The following ADAM23 variants were observed in gnomAD, a reference collection of about 807,000 sequenced individuals.
ADAM23 encodes disintegrin and metalloproteinase domain-containing protein 23.
A neutral mutation model predicts 120.1 loss-of-function variants in ADAM23; 33 were observed. The observed-to-expected ratio is 0.27, with a 90% CI of 0.21 to 0.37. ADAM23 has a LOEUF of 0.37. Ranked by LOEUF, ADAM23 falls within the 10% of genes least tolerant of loss-of-function variation. The probability of loss-of-function intolerance (pLI) is 1.00; values close to 1 mark genes in which losing one functional copy is unlikely to be tolerated. For missense variants in ADAM23, 862 were observed against 1,058.2 expected (o/e 0.81, Z 2.57); for synonymous variants, 367 against 375.2 (o/e 0.98, Z 0.25).
chr2:206,567,346 A>G (rs1338811489), intron 15 of ADAM23, 24 bp downstream of exon 15: 5 of 1,570,248 alleles, frequency 3.2e-6, no homozygotes, highest in Non-Finnish European at 3.5e-6. Context: ...AAAGCATACT[A>G]AGAAAGTATA....
intron 7 of ADAM23, 78 bp downstream of exon 7, chr2:206,547,579 GC>G: frequency 7.9e-7 from 1 of 1,266,702 alleles, no homozygotes; most frequent in South Asian, 1.4e-5. Context: ...AGATATGCAG[GC>G]TTGTTGGAAG....
At chr2:206,500,799 T>G (rs1696372369) in intron 3 of ADAM23, among the ~76,000 whole-genome samples, 3 of 152,162 alleles carry the variant, frequency 2.0e-5, no homozygotes, top group Non-Finnish European at 2.9e-5. Flanking sequence ...TGAATCACCC[T>G]CTCTCATCTG....
chr2:206,566,630 C>T (rs1697888366), intron 14 of ADAM23, among the ~76,000 whole-genome samples: 1 of 152,154 alleles, frequency 6.6e-6, no homozygotes, highest in Admixed American at 6.5e-5. Flanking sequence ...AGCCATTATT[C>T]ATGGAAGCGT....
At chr2:206,486,805 T>G (rs1696022389) in intron 3 of ADAM23, among the ~76,000 whole-genome samples, 2 of 152,166 alleles carry the variant, frequency 1.3e-5, no homozygotes, top group African/African-American at 4.8e-5. Flanking sequence ...ATTCACAAAA[T>G]TTTGCAGTTA....
intron 4 of ADAM23, among the ~76,000 whole-genome samples, chr2:206,536,377 A>G (rs1454075622): frequency 6.6e-6 from 1 of 151,500 alleles, no homozygotes; most frequent in Non-Finnish European, 1.5e-5. Flanking sequence ...GTCAAAAACC[A>G]CAAATACTTT....
At chr2:206,487,972 T>C (rs1382739105) in intron 3 of ADAM23, among the ~76,000 whole-genome samples, 2 of 152,228 alleles carry the variant, frequency 1.3e-5, no homozygotes, top group Admixed American at 1.3e-4. Context: ...GAAAACAATC[T>C]TTATTCTGAT....
At chr2:206,566,591 C>G (rs1191056270) in intron 14 of ADAM23, among the ~76,000 whole-genome samples, 1 of 152,106 alleles carries the variant, frequency 6.6e-6, no homozygotes, top group Non-Finnish European at 1.5e-5. Context: ...ATGAATATCA[C>G]CAAATAGTAT....
At chr2:206,520,365 A>C (rs916188365) in intron 3 of ADAM23, among the ~76,000 whole-genome samples, 30 of 152,090 alleles carry the variant, frequency 2.0e-4, no homozygotes, top group African/African-American at 6.3e-4. Context: ...CAAAAATCTT[A>C]CTCTTCCTTT....
At chr2:206,510,576 C>T (rs1456739735) in intron 3 of ADAM23, among the ~76,000 whole-genome samples, 2 of 152,134 alleles carry the variant, frequency 1.3e-5, no homozygotes, top group Non-Finnish European at 2.9e-5. Flanking sequence ...CTCCATACTT[C>T]CTGGATTATT....
intron 4 of ADAM23, among the ~76,000 whole-genome samples, chr2:206,538,932 A>G (rs1241003195): frequency 6.6e-6 from 1 of 152,202 alleles, no homozygotes; most frequent in East Asian, 1.9e-4. Context: ...TTATTAGATT[A>G]GTAATACCAG....
rs1008777800 is a variant in ADAM23 at position 206,617,970 on chromosome 2, GA to G, written c.*344del. On this transcript the variant is annotated 3_prime_UTR_variant, in exon 26 of 26. Transcript: ENST00000264377. ...GGAATCATTAAAAAAAATAGTAAAT[GA>G]TTTTTTTTCCCTCAGCCTGCTGGCA... is the stretch of plus-strand genomic sequence containing the variant. 2.9e-5 allele frequency: 6 copies of G among 210,214 alleles called. No homozygotes were observed. Among genetic ancestry groups the G allele is most frequent in the Admixed American group, 6.0e-5 (1 of 16,758 alleles). 13.0% of individuals were successfully genotyped at this position (210,214 alleles called of 1,614,324 possible).
chr2:206,552,389 G>T (rs1233989241), intron 9 of ADAM23, among the ~76,000 whole-genome samples: 1 of 152,056 alleles, frequency 6.6e-6, no homozygotes, highest in African/African-American at 2.4e-5. Context: ...ACTACTAAGT[G>T]TTAATTACAA....
chr2:206,608,076 A>C lies in ADAM23; in HGVS notation c.2360-1834A>C, dbSNP rs1698762697. On this transcript the variant is annotated intron_variant, in intron 24 of 25. Transcript: ENST00000264377. Reference sequence around the variant, plus strand: ...ATTCTCTGTTGAATTGTGGGGAGGAAATACATGTAAGTAGAATAAAGTTTC... The same window carrying C: ...ATTCTCTGTTGAATTGTGGGGAGGACATACATGTAAGTAGAATAAAGTTTC... The C allele has an allele frequency of 4.8e-5, 19 of 391,954 alleles. 1 individual carries two copies. The highest frequency in any genetic ancestry group is 3.5e-4 in the South Asian group (18 of 51,276). 24.3% of individuals were successfully genotyped at this position (391,954 alleles called of 1,614,324 possible).
rs541991967 is a variant in ADAM23 at position 206,548,264 on chromosome 2, A to C, written c.794-17A>C. 7 of 1,609,974 alleles carry C rather than the reference A, an allele frequency of 4.3e-6. No homozygotes were observed. In the East Asian group the frequency reaches 1.6e-4, roughly 36 times the overall value. ...AAATAAGCATAAAATTTTGATACTA[A>C]TTTTTCCTTTCTGCAGCTATGGAAA... On this transcript the variant is annotated splice_polypyrimidine_tract_variant and intron_variant, in intron 7 of 25. Transcript: ENST00000264377.
chr2:206,471,291 C>G (rs1043654752), intron 2 of ADAM23, among the ~76,000 whole-genome samples: 1 of 152,166 alleles, frequency 6.6e-6, no homozygotes, highest in Non-Finnish European at 1.5e-5. Flanking sequence ...TTTTGTATTT[C>G]AGAATTTCTC....
In ADAM23 at chr2:206,607,876, T is replaced by C. The variant is rs1265137503; in HGVS notation, c.2360-2034T>C. ...GTTCATTCAGTCACTAAGAATTCCA[T>C]GGACAGTTTTTTTTTTAATTTCTCC... is the stretch of plus-strand genomic sequence containing the variant. On this transcript the variant is annotated intron_variant, in intron 24 of 25. Transcript: ENST00000264377. The C allele has an allele frequency of 1.5e-5, 5 of 344,334 alleles. 1 individual carries two copies. The highest frequency in any genetic ancestry group is 8.7e-5 in the Admixed American group (2 of 23,058). 21.3% of individuals were successfully genotyped at this position (344,334 alleles called of 1,614,324 possible).
Position 206,571,392 on chromosome 2 carries a change from A to G in ADAM23, c.1567-335A>G, listed in dbSNP as rs1349065423. On this transcript the variant is annotated intron_variant, in intron 16 of 25. Coordinates refer to ENST00000264377, the MANE Select transcript of ADAM23 (RefSeq NM_003812.4). Reference sequence around the variant, plus strand: ...CGGGAGGCTGAGGCAGGAGAATGGCATGAACCCGGGAGGCGGAGGTTGCAG... The same window carrying G: ...CGGGAGGCTGAGGCAGGAGAATGGCGTGAACCCGGGAGGCGGAGGTTGCAG... 5.3e-5 allele frequency among the ~76,000 whole-genome samples: 8 copies of G among 152,074 alleles called. 1 individual carries two copies. The highest frequency in any genetic ancestry group is 3.3e-4 in the Admixed American group (5 of 15,282).
At chr2:206,469,809 T>G (rs1372828194) in intron 2 of ADAM23, among the ~76,000 whole-genome samples, 1 of 152,198 alleles carries the variant, frequency 6.6e-6, no homozygotes, top group Non-Finnish European at 1.5e-5. Flanking sequence ...AGTGTGCCCC[T>G]GCCTCGGGGC....
intron 25 of ADAM23, among the ~76,000 whole-genome samples, chr2:206,613,987 T>C (rs983623007): frequency 1.3e-5 from 2 of 152,146 alleles, no homozygotes; most frequent in Non-Finnish European, 1.5e-5. Context: ...TCAAAAGGAC[T>C]ACAGGATGAA....
Sources: gnomAD v4.1 joint callset for allele counts (sites outside exome capture counted in the v4.1 genomes callset) on GRCh38, gnomAD v4.1.1 for gene constraint, MANE v1.5 for transcripts, NCBI Gene and HGNC (gene_info 2026-07-23, HGNC 2026-07-21) for gene names.